Variants in PLEKHA5 observed in about 807,000 individuals in gnomAD.
The protein encoded by PLEKHA5 is pleckstrin homology domain containing A5, also known as pleckstrin homology domain-containing family A member 5.
Under a neutral mutation model 181.9 loss-of-function variants are expected in PLEKHA5, and 55 were observed. The ratio of observed to expected loss-of-function variants is 0.30; its 90% CI spans 0.24 to 0.38. PLEKHA5 has a LOEUF of 0.38. Ranked by LOEUF, PLEKHA5 falls within the 10% of genes least tolerant of loss-of-function variation. The probability of loss-of-function intolerance (pLI) is 1.00; values close to 1 mark genes in which losing one functional copy is unlikely to be tolerated. For missense variants in PLEKHA5, 1,432 were observed against 1,549.5 expected (o/e 0.92, Z 1.27); for synonymous variants, 535 against 529.4 (o/e 1.01, Z -0.15).
intron 15 of PLEKHA5, chr12:19,306,458 C>T (rs1423548615): frequency 1.6e-6 from 1 of 625,042 alleles, no homozygotes; most frequent in Non-Finnish European, 3.0e-6. Flanking sequence ...CATCGGATAC[C>T]CACCTCCCAC....
At chr12:19,206,106 A>G (rs1409570805) in intron 3 of PLEKHA5, among the ~76,000 whole-genome samples, 1 of 152,090 alleles carries the variant, frequency 6.6e-6, no homozygotes, top group Non-Finnish European at 1.5e-5. Flanking sequence ...GAGTTGCATG[A>G]TAATAGTTTT....
chr12:19,357,446 A>G (rs2095007655), intron 26 of PLEKHA5, among the ~76,000 whole-genome samples: 1 of 151,870 alleles, frequency 6.6e-6, no homozygotes. Flanking sequence ...GGGTTTCGCC[A>G]TGTTGGCCAG....
intron 7 of PLEKHA5, among the ~76,000 whole-genome samples, chr12:19,262,140 C>T (rs1014008025): frequency 1.1e-4 from 16 of 152,208 alleles, no homozygotes; most frequent in South Asian, 4.2e-4. Context: ...TTTCTCTTCT[C>T]GTCTCTTTTT....
chr12:19,283,866 T>C, intron 12 of PLEKHA5, 121 bp downstream of exon 12: 1 of 626,136 alleles, frequency 1.6e-6, no homozygotes, highest in Non-Finnish European at 2.7e-6. Flanking sequence ...AGGCAGCTCT[T>C]TTTTGTTTTA....
At chr12:19,220,276 A>G (rs2058734321) in intron 3 of PLEKHA5, among the ~76,000 whole-genome samples, 1 of 151,872 alleles carries the variant, frequency 6.6e-6, no homozygotes, top group Non-Finnish European at 1.5e-5. Flanking sequence ...TGTAATTTCT[A>G]CATAAAATGA....
chr12:19,302,233 G>C (rs561867979), intron 15 of PLEKHA5, among the ~76,000 whole-genome samples: 6 of 152,322 alleles, frequency 3.9e-5, no homozygotes, highest in African/African-American at 1.4e-4. Flanking sequence ...GACAGCAAGA[G>C]ATGGGTCTTC....
rs1023583498 is a variant in PLEKHA5, at chr12:19,212,281, T to C, written c.228-41659T>C. Among the ~76,000 whole-genome samples the C allele has an allele frequency of 3.5e-4, 53 of 152,146 alleles. 1 individual carries two copies. Among genetic ancestry groups the C allele is most frequent in the Non-Finnish European group, 5.9e-5 (4 of 68,030 alleles). ...TCCAGCCTGGGAGACAGAGCGAGATTCCATCTTAAATTTAAACATGGGGCA... is the reference window on the plus strand; with the variant it reads ...TCCAGCCTGGGAGACAGAGCGAGATCCCATCTTAAATTTAAACATGGGGCA... On this transcript the variant is annotated intron_variant, in intron 3 of 31. Transcript: ENST00000429027.
chr12:19,135,902 G>A (rs1438560182), intron 3 of PLEKHA5, among the ~76,000 whole-genome samples: 1 of 147,704 alleles, frequency 6.8e-6, no homozygotes, highest in Non-Finnish European at 1.5e-5. Context: ...TTTTTTTGAG[G>A]GGGGTTTCAC....
intron 7 of PLEKHA5, among the ~76,000 whole-genome samples, chr12:19,262,014 A>G (rs377052117): frequency 2.0e-5 from 3 of 152,218 alleles, no homozygotes; most frequent in Middle Eastern, 3.4e-3. Flanking sequence ...TTAGGCTGCA[A>G]TTGCGGTGTT....
At position 19,357,618 on chromosome 12, in the gene PLEKHA5, G is replaced by GGTTTGTTTGTTT. The variant is rs34121449; in HGVS notation, c.3139-592_3139-581dup. Reference sequence around the variant, plus strand: ...AGATTTACTGGAACTGAGTTATGGGGGTTTGTTTGTTTGTTTGTTTGTTTG... The same window carrying GGTTTGTTTGTTT: ...AGATTTACTGGAACTGAGTTATGGGGGTTTGTTTGTTTGTTTGTTTGTTTGTTTGTTTGTTTG... On this transcript the variant is annotated intron_variant, in intron 26 of 31. Coordinates refer to ENST00000429027, the MANE Select transcript of PLEKHA5 (RefSeq NM_001256470.2). Among the ~76,000 whole-genome samples, 24 of 151,034 alleles carry GGTTTGTTTGTTT rather than the reference G, an allele frequency of 1.6e-4. 1 individual carries two copies. Among genetic ancestry groups the GGTTTGTTTGTTT allele is most frequent in the African/African-American group, 5.4e-4 (22 of 41,026 alleles).
intron 3 of PLEKHA5, among the ~76,000 whole-genome samples, chr12:19,223,822 G>A (rs1176637888): frequency 6.6e-6 from 1 of 152,114 alleles, no homozygotes; most frequent in Non-Finnish European, 1.5e-5. Context: ...GGGAGGAAGA[G>A]CCAAGTAAAA....
chr12:19,233,347 A>G (rs1022485528), intron 3 of PLEKHA5, among the ~76,000 whole-genome samples: 2 of 152,166 alleles, frequency 1.3e-5, no homozygotes, highest in Admixed American at 6.5e-5. Flanking sequence ...TTTGTATTAA[A>G]TGACCTAGGC....
chr12:19,260,529 C>T (rs894719465), intron 6 of PLEKHA5, among the ~76,000 whole-genome samples: 1 of 152,160 alleles, frequency 6.6e-6, no homozygotes, highest in African/African-American at 2.4e-5. Flanking sequence ...TTATATTACA[C>T]ATGTATCAAA....
intron 3 of PLEKHA5, among the ~76,000 whole-genome samples, chr12:19,210,123 A>C (rs995034949): frequency 2.0e-5 from 3 of 152,204 alleles, no homozygotes; most frequent in African/African-American, 7.2e-5. Context: ...TAGGGCTCTC[A>C]GTTATTTAGG....
chr12:19,342,838 A>G (rs1229306105), intron 21 of PLEKHA5, among the ~76,000 whole-genome samples: 1 of 152,116 alleles, frequency 6.6e-6, no homozygotes, highest in Non-Finnish European at 1.5e-5. Flanking sequence ...ATCTTGATAT[A>G]TTTTGTTAGT....
chr12:19,289,780 TA>T lies in PLEKHA5; in HGVS notation c.1864-891del, dbSNP rs1464381893. On this transcript the variant is annotated intron_variant, in intron 13 of 31. Coordinates refer to ENST00000429027, the MANE Select transcript of PLEKHA5 (RefSeq NM_001256470.2). ...GTGCCCATGGAAACTCTCTTTTTCT[TA>T]AAAAATAAAACTGATCTTTTGGTCA... 3.3e-5 allele frequency among the ~76,000 whole-genome samples: 5 copies of T among 152,148 alleles called. No individual in the cohort carries two copies. The East Asian group carries it at 9.7e-4, about 29-fold the overall frequency.
chr12:19,343,548 C>T (rs1162717577), intron 22 of PLEKHA5, 114 bp downstream of exon 22: 1 of 694,462 alleles, frequency 1.4e-6, no homozygotes, highest in Non-Finnish European at 2.6e-6. Context: ...GTTGTACAAT[C>T]AGAGTGTACT....
intron 3 of PLEKHA5, among the ~76,000 whole-genome samples, chr12:19,135,279 G>A (rs2035274143): frequency 1.3e-5 from 2 of 152,218 alleles, no homozygotes; most frequent in South Asian, 4.1e-4. Context: ...TCTGTAGGTG[G>A]TAAGAGGAGA....
At chr12:19,354,303 C>T (rs2094793236) in intron 26 of PLEKHA5, among the ~76,000 whole-genome samples, 1 of 148,420 alleles carries the variant, frequency 6.7e-6, no homozygotes, top group African/African-American at 2.5e-5. Context: ...AGGCGCCCGC[C>T]ACCACGCCCG....
Sources: allele counts gnomAD v4.1 joint callset (sites outside exome capture counted in the v4.1 genomes callset), GRCh38; gene constraint gnomAD v4.1.1; transcripts MANE v1.5; gene names NCBI Gene and HGNC (gene_info 2026-07-23, HGNC 2026-07-21).